Variants in SPARCL1 observed in about 807,000 individuals in gnomAD.
SPARCL1 encodes SPARC like 1, also known as SPARC-like protein 1.
A neutral mutation model predicts 67.1 loss-of-function variants in SPARCL1; 52 were observed. The observed-to-expected ratio is 0.78, with a 90% confidence interval of 0.62 to 0.98. The LOEUF (loss-of-function observed/expected upper bound fraction) is 0.98. Ranked by LOEUF, SPARCL1 falls within the 50% of genes least tolerant of loss-of-function variation. The probability of loss-of-function intolerance (pLI) is 0.00; values close to 1 mark genes in which losing one functional copy is unlikely to be tolerated. For synonymous variants in SPARCL1, 226 were observed against 267.8 expected, an observed-to-expected ratio of 0.84 and a Z score of 1.52; for missense variants, 717 against 782.4, an observed-to-expected ratio of 0.92 and a Z score of 1.00.
At position 87,489,769 on chromosome 4, in the gene SPARCL1, A is replaced by G. The variant is rs149043439; in HGVS notation, c.1531+504T>C. Among the ~76,000 whole-genome samples, 26 of 152,276 alleles carry G rather than the reference A, an allele frequency of 1.7e-4. 1 individual carries two copies. In the East Asian group the frequency reaches 5.0e-3, roughly 29 times the overall value. On this transcript the variant is annotated intron_variant, in intron 7 of 10. Coordinates refer to ENST00000282470, the MANE Select transcript of SPARCL1 (RefSeq NM_004684.6). ...TCTCCTGTGTCTGGAAGGGGAGGAG[A>G]CCCGGAAACATTAGTGAGCACTGCT...
intron 2 of SPARCL1, among the ~76,000 whole-genome samples, chr4:87,495,620 G>A (rs906133693): frequency 1.3e-5 from 2 of 152,034 alleles, no homozygotes; most frequent in South Asian, 2.1e-4. Flanking sequence ...TGGCCTTAAC[G>A]TTGGTCAGGA....
At chr4:87,498,634 T>A (rs1724719902) in intron 2 of SPARCL1, among the ~76,000 whole-genome samples, 1 of 152,210 alleles carries the variant, frequency 6.6e-6, no homozygotes, top group South Asian at 2.1e-4. Flanking sequence ...GCTGCTTTAT[T>A]GCTGTGCAAA....
In SPARCL1 at chr4:87,473,582, G is replaced by A. The variant is rs1471847779; in HGVS notation, c.*193C>T. 2.2e-6 allele frequency: 1 copy of A among 455,658 alleles called. No individual in the cohort carries two copies. The highest frequency in any genetic ancestry group is 3.9e-6 in the Non-Finnish European group (1 of 255,564). 28.2% of individuals were successfully genotyped at this position (455,658 alleles called of 1,614,324 possible). A position where few individuals can be genotyped will look rare whatever the true frequency, so the allele number is the denominator to read the frequency against. ...TTGCATATGTTGACTTTACTTAATT[G>A]TACATTTTTGTTTCCAAAGTTAATG... On this transcript the variant is annotated 3_prime_UTR_variant, in exon 11 of 11. Transcript: ENST00000282470.
chr4:87,515,146 A>G (rs1458822324), intron 1 of SPARCL1, among the ~76,000 whole-genome samples: 1 of 152,230 alleles, frequency 6.6e-6, no homozygotes, highest in East Asian at 1.9e-4. Context: ...ATTTTGCTCA[A>G]ATGCGTGAGC....
chr4:87,494,891 A>G (rs1724552688), intron 3 of SPARCL1, 90 bp downstream of exon 3: 4 of 1,209,936 alleles, frequency 3.3e-6, no homozygotes, highest in Admixed American at 4.9e-5. Flanking sequence ...AAACTGAGAC[A>G]TAAATAACAT....
At chr4:87,480,949 A>C (rs1723798569) in intron 8 of SPARCL1, among the ~76,000 whole-genome samples, 2 of 151,842 alleles carry the variant, frequency 1.3e-5, no homozygotes, top group Admixed American at 6.6e-5. Context: ...TAGGTCATCC[A>C]TCCAGTGCCC....
Position 87,494,063 on chromosome 4 carries a change from T to A in SPARCL1, c.737A>T (p.Glu246Val). ...GCTTACTTGAGTTGGTTGATCAGACTCTTCCAAAATATCATCAGATTGGGT... is the reference window on the plus strand; with the variant it reads ...GCTTACTTGAGTTGGTTGATCAGACACTTCCAAAATATCATCAGATTGGGT... ...DNTQSDDILE[E>V]SDQPTQVSKM... is the part of the protein sequence containing the mutation. Residue 246 changes from glutamate (E) to valine (V), a missense_variant, in exon 4 of 11, where the codon GAG (glutamate) becomes GTG (valine). Physicochemically the swap from Glu to Val is moderately radical, Grantham distance 121 (BLOSUM62 -2). Coordinates refer to ENST00000282470, the MANE Select transcript of SPARCL1 (RefSeq NM_004684.6). 4 of 1,614,090 alleles carry A rather than the reference T, an allele frequency of 2.5e-6. No individual in the cohort carries two copies. The highest frequency in any genetic ancestry group is 3.4e-6 in the Non-Finnish European group (4 of 1,180,012).
chr4:87,513,100 T>A (rs1725440319), intron 1 of SPARCL1, among the ~76,000 whole-genome samples: 2 of 152,218 alleles, frequency 1.3e-5, no homozygotes, highest in African/African-American at 4.8e-5. Flanking sequence ...AAAGTTTAAC[T>A]GTAAGGATGT....
At chr4:87,516,968 C>T (rs567303631) in intron 1 of SPARCL1, among the ~76,000 whole-genome samples, 3 of 152,236 alleles carry the variant, frequency 2.0e-5, no homozygotes, top group Non-Finnish European at 2.9e-5. Context: ...GAGACAGTTG[C>T]CTGTTCTTTT....
chr4:87,493,069 T>G (rs1724425057), intron 4 of SPARCL1, among the ~76,000 whole-genome samples: 1 of 152,204 alleles, frequency 6.6e-6, no homozygotes, highest in Non-Finnish European at 1.5e-5. Context: ...TCTGTCATAA[T>G]TTATCATTCC....
chr4:87,483,740 G>C (rs1475198889), intron 7 of SPARCL1, among the ~76,000 whole-genome samples: 3 of 152,186 alleles, frequency 2.0e-5, no homozygotes, highest in Non-Finnish European at 2.9e-5. Flanking sequence ...ATCCTCTCCA[G>C]TATCTGTTGT....
rs1723439083 is a variant in SPARCL1 at position 87,473,657 on chromosome 4, T to C, written c.*118A>G. The C allele has an allele frequency of 1.5e-6, 1 of 677,600 alleles. No homozygotes were observed. The highest frequency in any genetic ancestry group is 2.7e-5 in the Admixed American group (1 of 36,762). 42.0% of individuals were successfully genotyped at this position (677,600 alleles called of 1,614,324 possible). A position where few individuals can be genotyped will look rare whatever the true frequency, so the allele number is the denominator to read the frequency against. On this transcript the variant is annotated 3_prime_UTR_variant, in exon 11 of 11. Transcript: ENST00000282470. Reference sequence around the variant, plus strand: ...TGTCAAGCAATTACTCTCATTGTCTTGTCATACATGCTAACATTTTGCTAA... The same window carrying C: ...TGTCAAGCAATTACTCTCATTGTCTCGTCATACATGCTAACATTTTGCTAA...
At chr4:87,525,235 T>C (rs916389622) in intron 1 of SPARCL1, among the ~76,000 whole-genome samples, 1 of 152,132 alleles carries the variant, frequency 6.6e-6, no homozygotes. Flanking sequence ...AAACTGAGGC[T>C]CCTGAGCTTA....
intron 1 of SPARCL1, among the ~76,000 whole-genome samples, chr4:87,522,078 G>C (rs1415649186): frequency 1.3e-5 from 2 of 152,168 alleles, no homozygotes; most frequent in African/African-American, 4.8e-5. Context: ...ACCTGATCCA[G>C]TGTTAACACT....
Position 87,511,967 on chromosome 4 carries a change from C to CTTT in SPARCL1, c.-11-12385_-11-12383dup, listed in dbSNP as rs3037337. Among the ~76,000 whole-genome samples the CTTT allele has an allele frequency of 9.1e-3, 1,110 of 121,490 alleles. 62 individuals are homozygous for CTTT. The highest frequency in any genetic ancestry group is 0.034 in the African/African-American group (1,058 of 31,384). The allele number at this position is 121,490 out of a possible 152,430, so 79.7% of individuals were successfully genotyped here. A position where few individuals can be genotyped will look rare whatever the true frequency, so the allele number is the denominator to read the frequency against. The stretch of plus-strand genomic sequence containing the variant: ...TTCCTTTCCTTTCCTCTTTCTTTCT[C>CTTT]TTTTTTTTTTTTTTTGAGACAGAGT... On this transcript the variant is annotated intron_variant, in intron 1 of 10. Transcript: ENST00000282470.
chr4:87,522,862 C>T (rs939750649), intron 1 of SPARCL1, among the ~76,000 whole-genome samples: 21 of 152,000 alleles, frequency 1.4e-4, no homozygotes, highest in African/African-American at 4.1e-4. Flanking sequence ...TTTTTTCTCA[C>T]GCCACCAAAT....
chr4:87,487,093 T>C (rs1234914077), intron 7 of SPARCL1, among the ~76,000 whole-genome samples: 1 of 151,878 alleles, frequency 6.6e-6, no homozygotes, highest in African/African-American at 2.4e-5. Context: ...CCCGTTTACA[T>C]TTAAAATTAA....
At chr4:87,512,576 T>C (rs1177607976) in intron 1 of SPARCL1, among the ~76,000 whole-genome samples, 1 of 152,164 alleles carries the variant, frequency 6.6e-6, no homozygotes, top group Non-Finnish European at 1.5e-5. Flanking sequence ...ACCATGTGGC[T>C]GGAACCTTGC....
intron 7 of SPARCL1, among the ~76,000 whole-genome samples, chr4:87,489,087 A>G (rs1724196224): frequency 1.3e-5 from 2 of 152,066 alleles, no homozygotes; most frequent in African/African-American, 4.8e-5. Context: ...CCACATTTCC[A>G]GGGAAGTGAA....
Sources: allele counts gnomAD v4.1 joint callset (sites outside exome capture counted in the v4.1 genomes callset), GRCh38; gene constraint gnomAD v4.1.1; transcripts MANE v1.5; gene names NCBI Gene and HGNC (gene_info 2026-07-23, HGNC 2026-07-21).